Variants in SP140 observed in about 807,000 individuals in gnomAD.
SP140 encodes SP140 nuclear body protein.
A neutral mutation model predicts 125.0 loss-of-function variants in SP140; 81 were observed. The observed-to-expected ratio is 0.65, with a 90% CI of 0.54 to 0.78. The LOEUF (loss-of-function observed/expected upper bound fraction) is 0.78, where lower values mean the gene tolerates loss of function less well. Among genes scored for constraint, SP140 ranks in the 30% least tolerant of loss-of-function variants. The probability of loss-of-function intolerance (pLI) is 0.00; values close to 1 mark genes in which losing one functional copy is unlikely to be tolerated. For missense variants in SP140, 858 were observed against 1,037.0 expected, an observed-to-expected ratio of 0.83 and a Z score of 2.37; for synonymous variants, 312 against 354.0, an observed-to-expected ratio of 0.88 and a Z score of 1.33.
At chr2:230,245,789 A>C in intron 6 of SP140, 74 bp from the exon 7 acceptor site, 1 of 928,686 alleles carries the variant, frequency 1.1e-6, no homozygotes. Context: ...CCCGAATATT[A>C]GAGCTCAGCA....
chr2:230,198,596 A>AT (rs34926695), upstream of SP140, among the ~76,000 whole-genome samples: 34 of 151,430 alleles, frequency 2.2e-4, no homozygotes, highest in East Asian at 3.1e-3. Context: ...AAATGATAGA[A>AT]TTTTTTTTTC....
chr2:230,238,559 A>G, intron 3 of SP140, 178 bp downstream of exon 3: 2 of 753,416 alleles, frequency 2.7e-6, no homozygotes, highest in South Asian at 3.8e-5. Context: ...GAGTTTACAT[A>G]CAGTGGGAGT....
At chr2:230,263,350 C>T (rs957986382) in intron 12 of SP140, among the ~76,000 whole-genome samples, 4 of 152,062 alleles carry the variant, frequency 2.6e-5, no homozygotes, top group African/African-American at 9.7e-5. Flanking sequence ...TTATGCGAGT[C>T]CTTATGTGCT....
At chr2:230,255,372 C>A in intron 11 of SP140, 80 bp from the exon 12 acceptor site, 2 of 1,527,344 alleles carry the variant, frequency 1.3e-6, no homozygotes, top group Non-Finnish European at 1.8e-6. Context: ...CAGCTTTCCA[C>A]ATCTTCACTA....
chr2:230,261,923 C>G (rs58989813), intron 12 of SP140, among the ~76,000 whole-genome samples: 1 of 151,820 alleles, frequency 6.6e-6, no homozygotes, highest in Non-Finnish European at 1.5e-5. Context: ...TCTTTTTTGG[C>G]TATGTCCTTT....
chr2:230,239,005 C>T (rs747935743), intron 3 of SP140: 5 of 1,465,360 alleles, frequency 3.4e-6, no homozygotes, highest in Non-Finnish European at 4.5e-6. Context: ...GAAGGCTTGA[C>T]ACCCTGTGCT....
In SP140 at chr2:230,287,954, G is replaced by A. The variant is rs370088129; in HGVS notation, c.1708G>A (p.Val570Ile). The A allele has an allele frequency of 6.8e-6, 11 of 1,611,854 alleles. No individual in the cohort carries two copies. The highest frequency in any genetic ancestry group is 3.3e-5 in the South Asian group (3 of 90,518). The change falls in exon 18 of 27, where the codon GTC (valine) becomes ATC (isoleucine). Residue 570 changes from valine to isoleucine, a missense_variant. This residue lies in a region of SP140 where 791 missense variants were observed against 869.5 expected (regional missense o/e 0.91). Transcript: ENST00000392045. ...GAGTGACAGAGCTGCACAGAAAAGA[G>A]TCCGATCAAGAGGTAAAAAAGAAAA... ...TQSDRAAQKR[V>I]RSRASRKHKD...
Position 230,211,166 on chromosome 2 carries a change from C to T in SP140, c.-322-2488C>T, listed in dbSNP as rs1252271695. Among the ~76,000 whole-genome samples, 1 of 152,186 alleles carries T rather than the reference C, an allele frequency of 6.6e-6. No individual in the cohort carries two copies. The highest frequency in any genetic ancestry group is 1.5e-5 in the Non-Finnish European group (1 of 68,022). On this transcript the variant is annotated intron_variant, in intron 1 of 4. Coordinates refer to the SP140 transcript ENST00000456542. This position sits in a 1 kb window ranked among gnomAD's most constrained non-coding sequence, Gnocchi z 4.2. ...CAGGTGAATGTTTCCCTTTCAGGCG[C>T]TTTGTGGCATTTGGAGTCCAAACCT...
Position 230,313,172 on chromosome 2 carries a change from A to C in SP140, c.*488A>C. 1.3e-5 allele frequency: 2 copies of C among 150,418 alleles called. No homozygotes were observed. Among genetic ancestry groups the C allele is most frequent in the Non-Finnish European group, 1.5e-5 (1 of 68,156 alleles). 9.3% of individuals were successfully genotyped at this position (150,418 alleles called of 1,614,324 possible). A position where few individuals can be genotyped will look rare whatever the true frequency, so the allele number is the denominator to read the frequency against. Reference sequence around the variant, plus strand: ...TTCTCGGAGTCTCATATTTTGTGGGACTCCTGTGCAAACATATGTTATTAA... The same window carrying C: ...TTCTCGGAGTCTCATATTTTGTGGGCCTCCTGTGCAAACATATGTTATTAA... On this transcript the variant is annotated 3_prime_UTR_variant, in exon 27 of 27. Coordinates refer to ENST00000392045, the MANE Select transcript of SP140 (RefSeq NM_007237.5).
At chr2:230,226,015 G>T in intron 1 of SP140, 112 bp downstream of exon 1, 3 of 809,144 alleles carry the variant, frequency 3.7e-6, no homozygotes, top group Non-Finnish European at 5.9e-6. Flanking sequence ...ATAGAATTCA[G>T]TTACAAATAA....
At chr2:230,193,573 T>G in the SP140 span, among the ~76,000 whole-genome samples, 12 of 152,194 alleles carry the variant, frequency 7.9e-5, no homozygotes, top group African/African-American at 2.9e-4. Context: ...CCCTCAGCAT[T>G]TGTTTGTCTA....
chr2:230,209,137 A>G (rs953491439), intron 1 of SP140, among the ~76,000 whole-genome samples: 1 of 152,210 alleles, frequency 6.6e-6, no homozygotes, highest in African/African-American at 2.4e-5. Flanking sequence ...TAAAAGGAGA[A>G]AAGCTCAAGG....
At chr2:230,298,577 G>GGGA (rs1427295721) in intron 22 of SP140, among the ~76,000 whole-genome samples, 1 of 152,148 alleles carries the variant, frequency 6.6e-6, no homozygotes, top group Non-Finnish European at 1.5e-5. Flanking sequence ...GATATGTGTG[G>GGGA]GGAGAAGAGG....
chr2:230,203,408 G>C (rs375697085), intron 1 of SP140: 1 of 155,102 alleles, frequency 6.4e-6, no homozygotes, highest in Non-Finnish European at 1.4e-5. Context: ...AGGACACAGA[G>C]TGTGCAGCCA....
the SP140 span, among the ~76,000 whole-genome samples, chr2:230,195,087 A>G: frequency 6.6e-6 from 1 of 151,468 alleles, no homozygotes; most frequent in African/African-American, 2.4e-5. Context: ...GAACTTGGCC[A>G]TATTCTTTTC....
intron 21 of SP140, among the ~76,000 whole-genome samples, chr2:230,295,847 G>T (rs1049424355): frequency 6.6e-6 from 1 of 152,170 alleles, no homozygotes; most frequent in South Asian, 2.1e-4. Context: ...AGCCTCCAGT[G>T]ATTTCTAAGT....
At chr2:230,223,639 A>G (rs1157258781), upstream of SP140, among the ~76,000 whole-genome samples, 2 of 152,226 alleles carry the variant, frequency 1.3e-5, no homozygotes. Context: ...GGGATTGGTT[A>G]TCTGACATAA....
At chr2:230,265,631 T>C (rs2052982855) in intron 12 of SP140, among the ~76,000 whole-genome samples, 1 of 152,160 alleles carries the variant, frequency 6.6e-6, no homozygotes, top group South Asian at 2.1e-4. Context: ...TGCTTCCCCC[T>C]ACACCTGTAT....
chr2:230,229,436 TCCCTTTGCATGAAGAAATTC>T (rs1167092708), intron 1 of SP140, among the ~76,000 whole-genome samples: 3 of 151,094 alleles, frequency 2.0e-5, no homozygotes, highest in Non-Finnish European at 2.9e-5. Flanking sequence ...ACATCATTTT[TCCCTTTGCATGAAGAAATTC>T]TTTTTTTTTT....
Sources: allele counts gnomAD v4.1 joint callset (sites outside exome capture counted in the v4.1 genomes callset), GRCh38; gene constraint gnomAD v4.1.1; regional missense constraint gnomAD v4.1.1; non-coding constraint Gnocchi (gnomAD v3.1); transcripts MANE v1.5; gene names NCBI Gene and HGNC (gene_info 2026-07-23, HGNC 2026-07-21).